Variants in UBE2O observed in about 807,000 individuals in gnomAD.
The protein encoded by UBE2O is ubiquitin conjugating enzyme E2 O, also known as (E3-independent) E2 ubiquitin-conjugating enzyme.
Under a neutral mutation model 125.8 loss-of-function variants are expected in UBE2O, and 15 were observed. That is an observed-to-expected ratio of 0.12 (90% CI 0.08 to 0.18). The LOEUF is 0.18. UBE2O is among the 10% of genes least tolerant of loss of function. UBE2O has a pLI of 1.00. For missense variants in UBE2O, 1,280 were observed against 1,723.6 expected (o/e 0.74, Z 4.56); for synonymous variants, 708 against 703.2 (o/e 1.01, Z -0.11).
intron 1 of UBE2O, among the ~76,000 whole-genome samples, chr17:76,442,249 T>C (rs1308568871): frequency 6.6e-6 from 1 of 152,236 alleles, no homozygotes; most frequent in Non-Finnish European, 1.5e-5. Flanking sequence ...TTCTGATTAA[T>C]CTGCTCTTCC....
intron 1 of UBE2O, among the ~76,000 whole-genome samples, chr17:76,445,847 C>T (rs2073142318): frequency 6.6e-6 from 1 of 152,222 alleles, no homozygotes; most frequent in Non-Finnish European, 1.5e-5. Flanking sequence ...CCGTGGCTGG[C>T]TGGAATGTCA....
chr17:76,453,130 G>C lies in UBE2O; in HGVS notation c.12C>G (p.Pro4=). The C allele has an allele frequency of 1.4e-6, 1 of 705,912 alleles. No individual in the cohort carries two copies. Among genetic ancestry groups the C allele is most frequent in the Non-Finnish European group, 2.0e-6 (1 of 490,472 alleles). The allele number at this position is 705,912 out of a possible 1,614,324, so 43.7% of individuals were successfully genotyped here. MAD[P]AAPTPAAPAP... ...CGGGAGCTGCGGGCGTGGGGGCTGCGGGATCCGCCATAACTGCTCTGCGCG... is the reference window on the plus strand; with the variant it reads ...CGGGAGCTGCGGGCGTGGGGGCTGCCGGATCCGCCATAACTGCTCTGCGCG... Residue 4 remains proline, a synonymous_variant, in exon 1 of 18, where the codon CCC becomes CCG. Transcript: ENST00000319380.
At position 76,397,858 on chromosome 17, in the gene UBE2O, C is replaced by G. The variant is rs749311754; in HGVS notation, c.2056G>C (p.Val686Leu). Residue 686 changes from valine (V) to leucine (L), a missense_variant, in exon 13 of 18, where the codon GTC becomes CTC. This residue lies in a region of UBE2O where 210 missense variants were observed against 268.9 expected (regional missense o/e 0.78). Coordinates refer to ENST00000319380, the MANE Select transcript of UBE2O (RefSeq NM_022066.4). ...CACACCACCTCCACCTTGCTGCTGA[C>G]GTCCACACGGGCCACCTGGCCCACC... ...PSVGQVARVD[V>L]SSKVEVVWAD... 1.2e-6 allele frequency: 2 copies of G among 1,614,054 alleles called. No homozygotes were observed. The highest frequency in any genetic ancestry group is 1.7e-6 in the Non-Finnish European group (2 of 1,180,050).
At chr17:76,443,335 C>T (rs548893948) in intron 1 of UBE2O, among the ~76,000 whole-genome samples, 1 of 152,282 alleles carries the variant, frequency 6.6e-6, no homozygotes, top group South Asian at 2.1e-4. Context: ...GTCGCCCAGG[C>T]TGGAGTGCCG....
chr17:76,391,690 A>T lies in UBE2O; in HGVS notation c.3208+66T>A, dbSNP rs371101042. The T allele has an allele frequency of 1.4e-3, 2,324 of 1,605,936 alleles. 33 individuals are homozygous for T. In the African/African-American group the frequency reaches 0.026, roughly 18 times the overall value. On this transcript the variant is annotated intron_variant, in intron 17 of 17. Coordinates refer to ENST00000319380, the MANE Select transcript of UBE2O (RefSeq NM_022066.4). The surrounding 1 kb of genome is among the most constrained non-coding windows in gnomAD (Gnocchi z 8.4). Reference sequence around the variant, plus strand: ...GGCCTACCCTCCACCTGCCAGGGGGACTATCAGAGTCACTTTCCTCCACCG... The same window carrying T: ...GGCCTACCCTCCACCTGCCAGGGGGTCTATCAGAGTCACTTTCCTCCACCG...
chr17:76,425,417 T>A (rs927888172), intron 1 of UBE2O, among the ~76,000 whole-genome samples: 1 of 152,088 alleles, frequency 6.6e-6, no homozygotes, highest in Non-Finnish European at 1.5e-5. Flanking sequence ...GTCCCCCATC[T>A]TACCCTCTCA....
At position 76,404,010 on chromosome 17, in the gene UBE2O, A is replaced by AG. The variant is rs2072375989; in HGVS notation, c.588+1195dup. On this transcript the variant is annotated intron_variant, in intron 3 of 17. Coordinates refer to ENST00000319380, the MANE Select transcript of UBE2O (RefSeq NM_022066.4). The surrounding 1 kb of genome is among the most constrained non-coding windows in gnomAD (Gnocchi z 4.3). ...TCTAAGTCCATACTGATAAAAAAAA[A>AG]GAATACATAAATAGGGCAGAAGATA... is the stretch of plus-strand genomic sequence containing the variant. Among the ~76,000 whole-genome samples the AG allele has an allele frequency of 6.6e-6, 1 of 152,222 alleles. No homozygotes were observed. Among genetic ancestry groups the AG allele is most frequent in the Admixed American group, 6.5e-5 (1 of 15,288 alleles).
chr17:76,452,624 TG>T lies in UBE2O; in HGVS notation c.417+100del. 1 of 1,154,292 alleles carries T rather than the reference TG, an allele frequency of 8.7e-7. No homozygotes were observed. Among genetic ancestry groups the T allele is most frequent in the Non-Finnish European group, 1.1e-6 (1 of 900,342 alleles). The allele number at this position is 1,154,292 out of a possible 1,614,324, so 71.5% of individuals were successfully genotyped here. The stretch of plus-strand genomic sequence containing the variant: ...TGTCCTCCCGCGTCGGCCACTGCAG[TG>T]GCACCGCTCCGGGCAGGGCCCTGCA... On this transcript the variant is annotated intron_variant, in intron 1 of 17. Transcript: ENST00000319380. The surrounding 1 kb of genome is among the most constrained non-coding windows in gnomAD (Gnocchi z 4.4).
chr17:76,433,540 T>C (rs1302954077), intron 1 of UBE2O, among the ~76,000 whole-genome samples: 7 of 151,552 alleles, frequency 4.6e-5, no homozygotes, highest in Non-Finnish European at 7.4e-5. Context: ...TTGAGTATAC[T>C]AAAAACCACT....
At chr17:76,429,290 C>T (rs1443855751) in intron 1 of UBE2O, among the ~76,000 whole-genome samples, 10 of 151,516 alleles carry the variant, frequency 6.6e-5, no homozygotes, top group Non-Finnish European at 1.5e-4. Flanking sequence ...GCCTGTGATC[C>T]CAGCACTTTG....
intron 1 of UBE2O, among the ~76,000 whole-genome samples, chr17:76,406,378 C>G (rs545090572): frequency 2.6e-5 from 4 of 152,232 alleles, no homozygotes; most frequent in South Asian, 2.1e-4. Flanking sequence ...GGATGGGTCT[C>G]TGTGTGTGTC....
Position 76,400,044 on chromosome 17 carries a change from G to T in UBE2O, c.1155+103C>A. 6.5e-7 allele frequency: 1 copy of T among 1,532,830 alleles called. No homozygotes were observed. Among genetic ancestry groups the T allele is most frequent in the Non-Finnish European group, 8.8e-7 (1 of 1,133,962 alleles). 95.0% of individuals were successfully genotyped at this position (1,532,830 alleles called of 1,614,324 possible). On this transcript the variant is annotated intron_variant, in intron 8 of 17. Transcript: ENST00000319380. The surrounding 1 kb of genome is among the most constrained non-coding windows in gnomAD (Gnocchi z 4.3). The stretch of plus-strand genomic sequence containing the variant: ...TGAGTAGCCGGCAAGGGTCATCAGG[G>T]CTGCCCCCCAAGGCCTAAAGCACAG...
At chr17:76,417,810 C>T (rs1327974929) in intron 1 of UBE2O, among the ~76,000 whole-genome samples, 4 of 152,188 alleles carry the variant, frequency 2.6e-5, no homozygotes, top group Non-Finnish European at 4.4e-5. Flanking sequence ...TGCATGGATG[C>T]ATCAGCGTCC....
chr17:76,409,632 G>C (rs2072484116), intron 1 of UBE2O, among the ~76,000 whole-genome samples: 3 of 152,012 alleles, frequency 2.0e-5, no homozygotes, highest in Admixed American at 2.0e-4. Flanking sequence ...CTGACCCCAT[G>C]ACCTGCCCTC....
intron 1 of UBE2O, among the ~76,000 whole-genome samples, chr17:76,431,290 TC>T (rs2143847714): frequency 6.6e-6 from 1 of 152,180 alleles, no homozygotes; most frequent in Non-Finnish European, 1.5e-5. Context: ...GGTGGGTAGA[TC>T]ACTTGCAGTC....
intron 15 of UBE2O, among the ~76,000 whole-genome samples, chr17:76,393,510 G>A (rs967027868): frequency 7.2e-5 from 11 of 152,012 alleles, no homozygotes; most frequent in Non-Finnish European, 1.5e-5. Context: ...TGGGATTACA[G>A]GCGTGAGCCA....
At chr17:76,394,789 C>T (rs2143675898) in intron 15 of UBE2O, among the ~76,000 whole-genome samples, 1 of 152,280 alleles carries the variant, frequency 6.6e-6, no homozygotes, top group African/African-American at 2.4e-5. Context: ...TTTAGCTCTT[C>T]CATTTCCACT....
chr17:76,440,743 T>C (rs1291057773), intron 1 of UBE2O, among the ~76,000 whole-genome samples: 1 of 152,264 alleles, frequency 6.6e-6, no homozygotes, highest in East Asian at 1.9e-4. Context: ...TGCCTGTTTC[T>C]TAAAATTTTA....
chr17:76,420,583 CAAT>C (rs1481314295), intron 1 of UBE2O, among the ~76,000 whole-genome samples: 12 of 152,154 alleles, frequency 7.9e-5, no homozygotes, highest in Non-Finnish European at 1.3e-4. Flanking sequence ...TATGTCAAAA[CAAT>C]GATGATTCTC....
Sources: allele counts gnomAD v4.1 joint callset (sites outside exome capture counted in the v4.1 genomes callset), GRCh38; gene constraint gnomAD v4.1.1; regional missense constraint gnomAD v4.1.1; non-coding constraint Gnocchi (gnomAD v3.1); transcripts MANE v1.5; gene names NCBI Gene and HGNC (gene_info 2026-07-23, HGNC 2026-07-21).